The following QTMAN variants were observed in gnomAD, a reference collection of about 807,000 sequenced individuals.
QTMAN encodes tRNA-queuosine alpha-mannosyltransferase.
At chr2:144,158,161 A>G in the QTMAN span, among the ~76,000 whole-genome samples, 5 of 152,082 alleles carry the variant, frequency 3.3e-5, no homozygotes, top group East Asian at 9.6e-4. Context: ...GTCTTGAAAA[A>G]CACTTTCAAA....
At chr2:144,079,637 A>G in the QTMAN span, among the ~76,000 whole-genome samples, 1 of 152,072 alleles carries the variant, frequency 6.6e-6, no homozygotes, top group Non-Finnish European at 1.5e-5. Context: ...TCCATTAAAG[A>G]CAGCCTTATA....
At chr2:144,323,774 TAAC>T in the QTMAN span, among the ~76,000 whole-genome samples, 1 of 152,332 alleles carries the variant, frequency 6.6e-6, no homozygotes, top group East Asian at 1.9e-4. Context: ...TTTGTTTATA[TAAC>T]AACAGCAATT....
chr2:144,074,157 A>G, the QTMAN span, among the ~76,000 whole-genome samples: 3 of 152,220 alleles, frequency 2.0e-5, no homozygotes, highest in African/African-American at 7.2e-5. Flanking sequence ...GTAAATATAA[A>G]CAATTATAAA....
chr2:144,014,109 A>C, the QTMAN span, among the ~76,000 whole-genome samples: 1 of 152,186 alleles, frequency 6.6e-6, no homozygotes, highest in African/African-American at 2.4e-5. Flanking sequence ...AAACAGAAAG[A>C]CACACTTATC....
chr2:144,133,340 T>C, the QTMAN span, among the ~76,000 whole-genome samples: 3 of 41,974 alleles, frequency 7.1e-5, no homozygotes, highest in South Asian at 4.9e-4. Context: ...TATATAAATA[T>C]ATATTATATA....
At chr2:144,148,698 C>T in the QTMAN span, among the ~76,000 whole-genome samples, 2 of 151,702 alleles carry the variant, frequency 1.3e-5, no homozygotes, top group African/African-American at 2.4e-5. Flanking sequence ...CCAGCTTATC[C>T]GTAACCAAAG....
At chr2:144,071,728 A>G in the QTMAN span, among the ~76,000 whole-genome samples, 2 of 152,152 alleles carry the variant, frequency 1.3e-5, no homozygotes, top group African/African-American at 2.4e-5. Context: ...AATGTTGCCT[A>G]TGTCAAATTC....
At chr2:143,988,764 T>C in the QTMAN span, among the ~76,000 whole-genome samples, 2 of 152,220 alleles carry the variant, frequency 1.3e-5, no homozygotes, top group Admixed American at 6.5e-5. Flanking sequence ...ATCTGGCATA[T>C]ATGGGCACTG....
chr2:144,078,229 T>C, the QTMAN span, among the ~76,000 whole-genome samples: 1 of 152,200 alleles, frequency 6.6e-6, no homozygotes, highest in Non-Finnish European at 1.5e-5. Flanking sequence ...ACATGTAACC[T>C]AGATCCATAT....
the QTMAN span, among the ~76,000 whole-genome samples, chr2:144,009,374 G>A: frequency 6.6e-6 from 1 of 152,060 alleles, no homozygotes; most frequent in Non-Finnish European, 1.5e-5. Context: ...GGGAGAGGGC[G>A]TTAAATAGGG....
chr2:144,299,829 A>C, the QTMAN span, among the ~76,000 whole-genome samples: 6 of 152,244 alleles, frequency 3.9e-5, no homozygotes, highest in Admixed American at 1.3e-4. Context: ...ACCTACATTC[A>C]TAGTAGCATT....
the QTMAN span, among the ~76,000 whole-genome samples, chr2:144,186,219 AG>A: frequency 6.6e-6 from 1 of 152,316 alleles, no homozygotes. Context: ...ATCCATCTAT[AG>A]GAAGTCTGAG....
chr2:144,046,696 ACTT>A, the QTMAN span, among the ~76,000 whole-genome samples: 460 of 152,344 alleles, frequency 3.0e-3, 2 homozygotes, highest in African/African-American at 0.01. Context: ...TTCAGTGACT[ACTT>A]AATTCCACAT....
At chr2:144,083,181 T>G in the QTMAN span, among the ~76,000 whole-genome samples, 11 of 152,336 alleles carry the variant, frequency 7.2e-5, no homozygotes, top group East Asian at 1.9e-4. Flanking sequence ...TCTGCGGACA[T>G]GGACCCAAAG....
At chr2:144,206,314 T>G in the QTMAN span, among the ~76,000 whole-genome samples, 1 of 152,164 alleles carries the variant, frequency 6.6e-6, no homozygotes, top group African/African-American at 2.4e-5. Flanking sequence ...AAGCAAAAAT[T>G]TTTCATATCT....
the QTMAN span, among the ~76,000 whole-genome samples, chr2:144,180,676 G>T: frequency 4.7e-4 from 72 of 152,208 alleles, no homozygotes; most frequent in South Asian, 1.5e-3. Flanking sequence ...TTTGATAAGG[G>T]CCAGGTGGCT....
chr2:144,236,715 C>T, the QTMAN span, among the ~76,000 whole-genome samples: 198 of 152,094 alleles, frequency 1.3e-3, no homozygotes, highest in Admixed American at 3.4e-3. Flanking sequence ...AAAAAAATTA[C>T]AGAATTAGCC....
the QTMAN span, among the ~76,000 whole-genome samples, chr2:144,300,878 G>C: frequency 6.6e-6 from 1 of 152,132 alleles, no homozygotes; most frequent in South Asian, 2.1e-4. Context: ...AGGAGGATGA[G>C]TAATGCAAAT....
the QTMAN span, among the ~76,000 whole-genome samples, chr2:144,121,258 T>A: frequency 3.9e-5 from 6 of 152,270 alleles, no homozygotes; most frequent in East Asian, 9.7e-4. Context: ...ATCACTACCC[T>A]CGCACAGTAT....
Sources: allele counts gnomAD v4.1 joint callset (sites outside exome capture counted in the v4.1 genomes callset), GRCh38; gene constraint gnomAD v4.1.1; transcripts MANE v1.5; gene names NCBI Gene and HGNC (gene_info 2026-07-23, HGNC 2026-07-21).